CSNK1G1: variants seen among roughly 807,000 people sequenced by gnomAD.
CSNK1G1 encodes the protein casein kinase I isoform gamma-1.
A neutral mutation model predicts 59.6 loss-of-function variants in CSNK1G1; 22 were observed. The ratio of observed to expected loss-of-function variants is 0.37; its 90% CI spans 0.26 to 0.53. CSNK1G1 has a LOEUF of 0.53. CSNK1G1 is among the 20% of genes least tolerant of loss of function. The pLI, the probability that CSNK1G1 is intolerant of heterozygous loss-of-function variation, is 0.89. For missense variants in CSNK1G1, 384 were observed against 519.5 expected (o/e 0.74, Z 2.54); for synonymous variants, 179 against 177.1 (o/e 1.01, Z -0.08).
intron 2 of CSNK1G1, among the ~76,000 whole-genome samples, chr15:64,272,224 T>C (rs928455012): frequency 6.6e-6 from 1 of 152,074 alleles, no homozygotes; most frequent in Non-Finnish European, 1.5e-5. Context: ...GACTTTTTTT[T>C]TTTTCTTTTG....
At chr15:64,251,809 C>T (rs920175631) in intron 3 of CSNK1G1, among the ~76,000 whole-genome samples, 1 of 152,110 alleles carries the variant, frequency 6.6e-6, no homozygotes, top group African/African-American at 2.4e-5. Context: ...ATAGACTTTG[C>T]ATGAGCTATC....
At chr15:64,275,428 C>T (rs901920223) in intron 2 of CSNK1G1, among the ~76,000 whole-genome samples, 3 of 152,158 alleles carry the variant, frequency 2.0e-5, no homozygotes, top group East Asian at 3.8e-4. Context: ...AATGTTTTCA[C>T]TTTTACTAAC....
chr15:64,182,038 T>A (rs1255359700), intron 10 of CSNK1G1: 1 of 150,748 alleles, frequency 6.6e-6, no homozygotes, highest in Non-Finnish European at 1.5e-5. Context: ...TAATTATTGT[T>A]CTCATTAGTA....
At chr15:64,225,122 C>G in intron 4 of CSNK1G1, among the ~76,000 whole-genome samples, 1 of 149,942 alleles carries the variant, frequency 6.7e-6, no homozygotes, top group South Asian at 2.1e-4. Flanking sequence ...GATTATCTTG[C>G]CTCAGCCACC....
At chr15:64,278,423 TATATATATA>T (rs1566931025) in intron 2 of CSNK1G1, among the ~76,000 whole-genome samples, 3 of 113,062 alleles carry the variant, frequency 2.7e-5, no homozygotes, top group African/African-American at 8.0e-5. Flanking sequence ...TGTGTGTATA[TATATATATA>T]TTTTTTTTTT....
intron 4 of CSNK1G1, among the ~76,000 whole-genome samples, chr15:64,240,052 G>T (rs1032175187): frequency 6.6e-6 from 1 of 152,078 alleles, no homozygotes; most frequent in Non-Finnish European, 1.5e-5. Context: ...TGGCTAACAT[G>T]GTAAAACCTT....
At chr15:64,280,807 T>A (rs757292709) in intron 2 of CSNK1G1, among the ~76,000 whole-genome samples, 1 of 152,200 alleles carries the variant, frequency 6.6e-6, no homozygotes, top group African/African-American at 2.4e-5. Flanking sequence ...CAAATGTCCA[T>A]TGATGAGTGA....
intron 1 of CSNK1G1, among the ~76,000 whole-genome samples, chr15:64,311,510 A>G (rs537404873): frequency 6.6e-6 from 1 of 152,288 alleles, no homozygotes; most frequent in East Asian, 1.9e-4. Flanking sequence ...TTGTGAAGCC[A>G]GGTGTGGTGT....
chr15:64,215,262 G>C (rs1300963848), intron 5 of CSNK1G1, among the ~76,000 whole-genome samples: 2 of 136,500 alleles, frequency 1.5e-5, no homozygotes, highest in African/African-American at 5.7e-5. Flanking sequence ...GCCCAGGCTG[G>C]AGTGCAGTGG....
At chr15:64,353,199 C>T (rs1004086882) in intron 1 of CSNK1G1, among the ~76,000 whole-genome samples, 5 of 152,130 alleles carry the variant, frequency 3.3e-5, no homozygotes, top group African/African-American at 1.2e-4. Flanking sequence ...TCTATTATTA[C>T]AGGAAGTTAT....
intron 1 of CSNK1G1, among the ~76,000 whole-genome samples, chr15:64,306,773 G>A (rs1030008707): frequency 2.0e-5 from 3 of 152,114 alleles, no homozygotes; most frequent in Non-Finnish European, 4.4e-5. Flanking sequence ...TTGTGGTATA[G>A]CCATGCAATG....
intron 2 of CSNK1G1, among the ~76,000 whole-genome samples, chr15:64,277,826 A>AT (rs1893798979): frequency 8.1e-6 from 1 of 123,640 alleles, no homozygotes; most frequent in African/African-American, 2.9e-5. Context: ...TGATATATTT[A>AT]ATAATAATAT....
At chr15:64,355,462 G>A (rs1388431896) in intron 1 of CSNK1G1, among the ~76,000 whole-genome samples, 1 of 152,220 alleles carries the variant, frequency 6.6e-6, no homozygotes, top group African/African-American at 2.4e-5. Context: ...GAAGCGTACG[G>A]AAGTTGGGTA....
intron 1 of CSNK1G1, among the ~76,000 whole-genome samples, chr15:64,310,980 G>C (rs976606825): frequency 7.0e-6 from 1 of 142,632 alleles, no homozygotes; most frequent in African/African-American, 2.6e-5. Context: ...ACTCCAGCCT[G>C]GCAAGAGAGC....
At chr15:64,253,865 C>A (rs1029983643) in intron 3 of CSNK1G1, among the ~76,000 whole-genome samples, 1 of 152,160 alleles carries the variant, frequency 6.6e-6, no homozygotes, top group Middle Eastern at 3.4e-3. Context: ...AGTAGCCAGG[C>A]GCGGTGGCTC....
chr15:64,229,299 G>C (rs977287843), intron 4 of CSNK1G1, among the ~76,000 whole-genome samples: 7 of 152,028 alleles, frequency 4.6e-5, no homozygotes, highest in African/African-American at 1.7e-4. Flanking sequence ...TCTTACAGTG[G>C]AAAGTACCAT....
intron 2 of CSNK1G1, among the ~76,000 whole-genome samples, chr15:64,270,784 A>G (rs1470390719): frequency 6.7e-6 from 1 of 150,270 alleles, no homozygotes; most frequent in Admixed American, 6.6e-5. Flanking sequence ...ACACTACCTG[A>G]GCTGTGTCCC....
intron 4 of CSNK1G1, among the ~76,000 whole-genome samples, chr15:64,227,111 GT>G (rs2082473276): frequency 6.6e-6 from 1 of 152,214 alleles, no homozygotes; most frequent in African/African-American, 2.4e-5. Context: ...TGGCACTTGA[GT>G]TTTCCATTTG....
At chr15:64,207,625 T>C (rs1333518191) in intron 6 of CSNK1G1, 31 bp from the exon 7 acceptor site, 1 of 1,550,898 alleles carries the variant, frequency 6.4e-7, no homozygotes, top group Non-Finnish European at 8.9e-7. Context: ...CACATTATGT[T>C]TGCAGTTATT....
Sources: allele counts gnomAD v4.1 joint callset (sites outside exome capture counted in the v4.1 genomes callset), GRCh38; gene constraint gnomAD v4.1.1; transcripts MANE v1.5; gene names NCBI Gene and HGNC (gene_info 2026-07-23, HGNC 2026-07-21).